SOX5: variants seen among roughly 807,000 people sequenced by gnomAD.
SOX5 encodes SRY-box transcription factor 5, also known as transcription factor SOX-5.
SOX5 carries 9 observed loss-of-function variants against 92.0 expected under a neutral mutation model. That is an observed-to-expected ratio of 0.10 (90% CI 0.06 to 0.17). The LOEUF is 0.17. Among genes scored for constraint, SOX5 ranks in the 10% least tolerant of loss-of-function variants. The pLI, the probability that SOX5 is intolerant of heterozygous loss-of-function variation, is 1.00. For synonymous variants in SOX5, 344 were observed against 336.3 expected (o/e 1.02, Z -0.25); for missense variants, 642 against 944.5 (o/e 0.68, Z 4.20).
Position 24,472,511 on chromosome 12 carries a change from G to T in SOX5, c.-251+89818C>A, listed in dbSNP as rs1406893717. On this transcript the variant is annotated intron_variant, in intron 1 of 4. Coordinates refer to the SOX5 transcript ENST00000446891. ...TGGACTGGTTCTCTAAGTCCCAGATGCTTTACTTCAATTTTGTGAACAAAG... is the reference window on the plus strand; with the variant it reads ...TGGACTGGTTCTCTAAGTCCCAGATTCTTTACTTCAATTTTGTGAACAAAG... Among the ~76,000 whole-genome samples, 6 of 152,170 alleles carry T rather than the reference G, an allele frequency of 3.9e-5. No individual in the cohort carries two copies. In the East Asian group the frequency reaches 1.2e-3, roughly 29 times the overall value.
chr12:23,910,274 T>C (rs559022261), intron 1 of SOX5, among the ~76,000 whole-genome samples: 17 of 152,266 alleles, frequency 1.1e-4, no homozygotes, highest in African/African-American at 3.8e-4. Context: ...TTGTAGAATA[T>C]GTATTTCAAA....
At chr12:24,002,581 C>T (rs978572622) in intron 4 of SOX5, among the ~76,000 whole-genome samples, 1 of 131,614 alleles carries the variant, frequency 7.6e-6, no homozygotes, top group Non-Finnish European at 1.6e-5. Flanking sequence ...AATTTTCTTA[C>T]ACATTATAAA....
At chr12:23,809,953 C>A (rs1464093359) in intron 3 of SOX5, among the ~76,000 whole-genome samples, 1 of 151,786 alleles carries the variant, frequency 6.6e-6, no homozygotes, top group African/African-American at 2.4e-5. Context: ...AAAAGAGGAT[C>A]TAGTCAAAGA....
intron 1 of SOX5, among the ~76,000 whole-genome samples, chr12:23,903,501 T>C (rs1156991910): frequency 1.3e-5 from 2 of 152,170 alleles, no homozygotes; most frequent in Non-Finnish European, 2.9e-5. Flanking sequence ...GAGGATTGCT[T>C]GAGCCCAGGA....
chr12:24,396,985 T>C (rs1157825490), intron 1 of SOX5, among the ~76,000 whole-genome samples: 1 of 152,244 alleles, frequency 6.6e-6, no homozygotes, highest in East Asian at 1.9e-4. Context: ...CATTCATTTA[T>C]GTTTGAAACT....
upstream of SOX5, among the ~76,000 whole-genome samples, chr12:23,952,062 G>A (rs929972279): frequency 4.6e-5 from 7 of 152,048 alleles, no homozygotes; most frequent in Non-Finnish European, 1.0e-4. Flanking sequence ...TATAGTAGCT[G>A]CATAGCTATA....
chr12:24,060,526 T>C (rs1396916664), intron 4 of SOX5, among the ~76,000 whole-genome samples: 1 of 152,206 alleles, frequency 6.6e-6, no homozygotes, highest in East Asian at 1.9e-4. Flanking sequence ...ACTATTCTGT[T>C]ATCAGGGAGA....
At chr12:23,600,558 T>TATATATATATATATAA in intron 9 of SOX5, among the ~76,000 whole-genome samples, 1 of 130,380 alleles carries the variant, frequency 7.7e-6, no homozygotes, top group Non-Finnish European at 1.7e-5. Flanking sequence ...TATATACACA[T>TATATATATATATATAA]ACTTGGCTTG....
At chr12:23,985,894 T>C (rs954701248) in intron 4 of SOX5, among the ~76,000 whole-genome samples, 7 of 152,120 alleles carry the variant, frequency 4.6e-5, no homozygotes, top group African/African-American at 1.7e-4. Flanking sequence ...GCTTCTAGAA[T>C]CTGCCCAAAT....
intron 1 of SOX5, among the ~76,000 whole-genome samples, chr12:24,381,306 A>C (rs1957802680): frequency 6.6e-6 from 1 of 152,244 alleles, no homozygotes; most frequent in Non-Finnish European, 1.5e-5. Flanking sequence ...TGTTAACCTA[A>C]AGTTGATAGA....
chr12:23,875,273 A>G (rs1393273307), intron 2 of SOX5, among the ~76,000 whole-genome samples: 1 of 113,106 alleles, frequency 8.8e-6, no homozygotes, highest in African/African-American at 3.3e-5. Context: ...GAGAAATTGT[A>G]TATTAAACTT....
intron 1 of SOX5, among the ~76,000 whole-genome samples, chr12:23,930,009 C>T (rs1447158007): frequency 6.6e-6 from 1 of 151,762 alleles, no homozygotes; most frequent in Non-Finnish European, 1.5e-5. Flanking sequence ...TCATTCTGAC[C>T]ACACAACATC....
At chr12:24,514,596 G>A (rs1454979686) in intron 1 of SOX5, among the ~76,000 whole-genome samples, 7 of 152,134 alleles carry the variant, frequency 4.6e-5, no homozygotes, top group South Asian at 2.1e-4. Context: ...ATAAAGACAC[G>A]TGCATGTATA....
intron 4 of SOX5, among the ~76,000 whole-genome samples, chr12:24,190,959 A>G (rs1956465662): frequency 6.6e-6 from 1 of 152,252 alleles, no homozygotes; most frequent in Admixed American, 6.5e-5. Flanking sequence ...TTTAAAAAAA[A>G]GAGAATGAGG....
In SOX5 at chr12:23,970,841, A is replaced by ATATATAAAATT; in HGVS notation, c.-1-74818_-1-74817insAATTTTATATA. Among the ~76,000 whole-genome samples, 3 of 21,884 alleles carry ATATATAAAATT rather than the reference A, an allele frequency of 1.4e-4. 1 individual carries two copies. Among genetic ancestry groups the ATATATAAAATT allele is most frequent in the African/African-American group, 3.7e-4 (3 of 8,042 alleles). The allele number at this position is 21,884 out of a possible 152,430, so 14.4% of individuals were successfully genotyped here. A position where few individuals can be genotyped will look rare whatever the true frequency, so the allele number is the denominator to read the frequency against. On this transcript the variant is annotated intron_variant, in intron 4 of 4. Coordinates refer to the SOX5 transcript ENST00000446891. Reference sequence around the variant, plus strand: ...ACATGGGACTTTATATATATATATAATTTTTTTTTTTTTTTAAGAAATGGG... The same window carrying ATATATAAAATT: ...ACATGGGACTTTATATATATATATAATATATAAAATTTTTTTTTTTTTTTTTAAGAAATGGG...
intron 1 of SOX5, among the ~76,000 whole-genome samples, chr12:24,430,545 C>T (rs1938098610): frequency 6.6e-6 from 1 of 151,852 alleles, no homozygotes; most frequent in South Asian, 2.1e-4. Context: ...AAAGAAACCA[C>T]ACACACACAT....
chr12:24,000,729 GA>G (rs1346195209), intron 4 of SOX5, among the ~76,000 whole-genome samples: 1 of 152,074 alleles, frequency 6.6e-6, no homozygotes, highest in Non-Finnish European at 1.5e-5. Context: ...ACAGATGCAT[GA>G]AATACTGTAA....
intron 2 of SOX5, among the ~76,000 whole-genome samples, chr12:24,316,503 C>A (rs950736667): frequency 6.6e-6 from 1 of 152,156 alleles, no homozygotes; most frequent in Non-Finnish European, 1.5e-5. Flanking sequence ...GTACTTTCAA[C>A]TCACTCATCA....
At chr12:23,886,094 G>A (rs554531690) in intron 2 of SOX5, among the ~76,000 whole-genome samples, 2 of 152,216 alleles carry the variant, frequency 1.3e-5, no homozygotes, top group East Asian at 1.9e-4. Flanking sequence ...TCCTTAAGGA[G>A]TCATTTTTTC....
Sources: gnomAD v4.1 joint callset for allele counts (sites outside exome capture counted in the v4.1 genomes callset) on GRCh38, gnomAD v4.1.1 for gene constraint, MANE v1.5 for transcripts, NCBI Gene and HGNC (gene_info 2026-07-23, HGNC 2026-07-21) for gene names.